The following P2RY2 variants were observed in gnomAD, a reference collection of about 807,000 sequenced individuals.
P2RY2 encodes P2Y purinoceptor 2.
For synonymous variants in P2RY2, 241 were observed against 231.9 expected, an observed-to-expected ratio of 1.04 and a Z score of -0.35; for missense variants, 567 against 515.7, an observed-to-expected ratio of 1.10 and a Z score of -0.96.
chr11:73,233,955 C>A, intron 2 of P2RY2: 1 of 629,796 alleles, frequency 1.6e-6, no homozygotes, highest in Non-Finnish European at 2.7e-6. Context: ...AGTTTGTCTA[C>A]CCCTGTTCTC....
At chr11:73,231,515 C>T in intron 2 of P2RY2, among the ~76,000 whole-genome samples, 1 of 151,112 alleles carries the variant, frequency 6.6e-6, no homozygotes, top group Admixed American at 6.6e-5. Context: ...TGAGATCACG[C>T]CACTGCATTC....
At position 73,231,402 on chromosome 11, in the gene P2RY2, A is replaced by C. The variant is rs866773143; in HGVS notation, c.-4-2754A>C. Among the ~76,000 whole-genome samples, 11 of 151,312 alleles carry C rather than the reference A, an allele frequency of 7.3e-5. No individual in the cohort carries two copies. The South Asian group carries it at 2.1e-3, about 29-fold the overall frequency. Reference sequence around the variant, plus strand: ...CTCTACTAAAAAATACAAAAAAAAAAAAAAAAAAGCTAGGTGAGGTGGCAC... The same window carrying C: ...CTCTACTAAAAAATACAAAAAAAAACAAAAAAAAGCTAGGTGAGGTGGCAC... On this transcript the variant is annotated intron_variant, in intron 2 of 2. Transcript: ENST00000393597.
At position 73,234,987 on chromosome 11, in the gene P2RY2, C is replaced by A; in HGVS notation, c.828C>A (p.Leu276=). ...ACTACTCCTTCCGCTCGCTGGACCTCAGCTGCCACACCCTCAACGCCATCA... is the reference window on the plus strand; with the variant it reads ...ACTACTCCTTCCGCTCGCTGGACCTAAGCTGCCACACCCTCAACGCCATCA... The part of the protein sequence containing the change: ...TLYYSFRSLD[L]SCHTLNAINM... Residue 276 remains leucine (L), a synonymous_variant, in exon 3 of 3, where the codon CTC becomes CTA. Coordinates refer to ENST00000393597, the MANE Select transcript of P2RY2 (RefSeq NM_002564.4). 6.2e-7 allele frequency: 1 copy of A among 1,609,594 alleles called. No individual in the cohort carries two copies.
intron 1 of P2RY2, among the ~76,000 whole-genome samples, chr11:73,222,319 G>C (rs1862142456): frequency 6.6e-6 from 1 of 152,050 alleles, no homozygotes; most frequent in Non-Finnish European, 1.5e-5. Context: ...GCTGTTGCAG[G>C]AAATCCAGGG....
intron 2 of P2RY2, among the ~76,000 whole-genome samples, chr11:73,230,605 G>T (rs1214135502): frequency 6.6e-6 from 1 of 152,088 alleles, no homozygotes; most frequent in African/African-American, 2.4e-5. Context: ...CAGCGCCCAG[G>T]TTCTTAATCA....
intron 2 of P2RY2, among the ~76,000 whole-genome samples, chr11:73,231,318 G>T (rs776858296): frequency 6.6e-6 from 1 of 151,502 alleles, no homozygotes; most frequent in African/African-American, 2.4e-5. Flanking sequence ...GGCCGAGGTG[G>T]GTGGATTGCT....
intron 2 of P2RY2, 180 bp from the exon 3 acceptor site, chr11:73,233,976 A>G (rs781775387): frequency 4.5e-5 from 31 of 693,158 alleles, no homozygotes; most frequent in Non-Finnish European, 6.6e-5. Flanking sequence ...AAGTTTGACA[A>G]TTGTGTGATC....
chr11:73,237,212 C>A lies in P2RY2; in HGVS notation c.*1919C>A. 4.6e-6 allele frequency: 3 copies of A among 657,550 alleles called. No homozygotes were observed. Among genetic ancestry groups the A allele is most frequent in the Non-Finnish European group, 5.7e-6 (3 of 530,562 alleles). 40.7% of individuals were successfully genotyped at this position (657,550 alleles called of 1,614,324 possible). A position where few individuals can be genotyped will look rare whatever the true frequency, so the allele number is the denominator to read the frequency against. Reference sequence around the variant, plus strand: ...CTATTCACCTCTCACCTTCTAGGTTCTATACTTCTGTTAATGTAGCCGATG... The same window carrying A: ...CTATTCACCTCTCACCTTCTAGGTTATATACTTCTGTTAATGTAGCCGATG... On this transcript the variant is annotated 3_prime_UTR_variant, in exon 3 of 3. Coordinates refer to ENST00000393597, the MANE Select transcript of P2RY2 (RefSeq NM_002564.4).
At chr11:73,219,312 G>A (rs1862055034) in intron 1 of P2RY2, among the ~76,000 whole-genome samples, 1 of 152,218 alleles carries the variant, frequency 6.6e-6, no homozygotes, top group African/African-American at 2.4e-5. Context: ...GAAGTGGAAG[G>A]AAGAAGATTC....
At position 73,238,413 on chromosome 11, in the gene P2RY2, C is replaced by T. The variant is rs765765722; in HGVS notation, c.*3120C>T. On this transcript the variant is annotated 3_prime_UTR_variant, in exon 3 of 3. Coordinates refer to ENST00000393597, the MANE Select transcript of P2RY2 (RefSeq NM_002564.4). ...CCAGGGTCCAGGAGGGATGGAGGAA[C>T]CCCAGGGTACATTCCCACTTTCACC... 1.2e-4 allele frequency among the ~76,000 whole-genome samples: 19 copies of T among 152,138 alleles called. No homozygotes were observed. Among genetic ancestry groups the T allele is most frequent in the Non-Finnish European group, 2.4e-4 (16 of 68,020 alleles).
At chr11:73,227,023 G>T (rs1339611897) in intron 1 of P2RY2, among the ~76,000 whole-genome samples, 3 of 151,990 alleles carry the variant, frequency 2.0e-5, no homozygotes, top group South Asian at 2.1e-4. Context: ...GTGGTTTGCT[G>T]CACCCATCAA....
chr11:73,236,879 A>T lies in P2RY2; in HGVS notation c.*1586A>T. The T allele has an allele frequency of 1.0e-6, 1 of 985,108 alleles. No homozygotes were observed. The highest frequency in any genetic ancestry group is 4.7e-5 in the South Asian group (1 of 21,272). The allele number at this position is 985,108 out of a possible 1,614,324, so 61.0% of individuals were successfully genotyped here. On this transcript the variant is annotated 3_prime_UTR_variant, in exon 3 of 3. Coordinates refer to ENST00000393597, the MANE Select transcript of P2RY2 (RefSeq NM_002564.4). ...GGGCTGACGTGTGGCGCTCAGCTGGACAGGGCCCCGCCCTAGCCTTTGGAA... is the reference window on the plus strand; with the variant it reads ...GGGCTGACGTGTGGCGCTCAGCTGGTCAGGGCCCCGCCCTAGCCTTTGGAA...
At chr11:73,231,787 C>T (rs1862466765) in intron 2 of P2RY2, among the ~76,000 whole-genome samples, 1 of 152,102 alleles carries the variant, frequency 6.6e-6, no homozygotes, top group East Asian at 1.9e-4. Flanking sequence ...TGATGGCTCA[C>T]ACCTGTAATC....
At position 73,236,870 on chromosome 11, in the gene P2RY2, C is replaced by T; in HGVS notation, c.*1577C>T. 1.0e-6 allele frequency: 1 copy of T among 985,338 alleles called. No individual in the cohort carries two copies. Among genetic ancestry groups the T allele is most frequent in the Non-Finnish European group, 1.2e-6 (1 of 829,920 alleles). 61.0% of individuals were successfully genotyped at this position (985,338 alleles called of 1,614,324 possible). A position where few individuals can be genotyped will look rare whatever the true frequency, so the allele number is the denominator to read the frequency against. ...GACCACTCTGGGCTGACGTGTGGCG[C>T]TCAGCTGGACAGGGCCCCGCCCTAG... On this transcript the variant is annotated 3_prime_UTR_variant, in exon 3 of 3. Transcript: ENST00000393597.
intron 1 of P2RY2, among the ~76,000 whole-genome samples, chr11:73,225,965 G>A (rs1625496): frequency 0.28 from 42,597 of 152,094 alleles, 7,393 homozygotes; most frequent in African/African-American, 0.49. Flanking sequence ...GCTCAACAAT[G>A]TATGGTAGGA....
chr11:73,230,208 G>A (rs1862409803), intron 2 of P2RY2, among the ~76,000 whole-genome samples: 1 of 152,022 alleles, frequency 6.6e-6, no homozygotes, highest in Non-Finnish European at 1.5e-5. Flanking sequence ...CCCAGCCTGT[G>A]CCCATCCCCA....
Position 73,235,416 on chromosome 11 carries a change from T to C in P2RY2, c.*123T>C. 6.8e-7 allele frequency: 1 copy of C among 1,460,824 alleles called. No individual in the cohort carries two copies. The highest frequency in any genetic ancestry group is 9.0e-7 in the Non-Finnish European group (1 of 1,106,556). 90.5% of individuals were successfully genotyped at this position (1,460,824 alleles called of 1,614,324 possible). ...TGACTCATGCTGGATGACCCCATGC[T>C]CCGTCATTTGACAGGGGCTCAGGAT... On this transcript the variant is annotated 3_prime_UTR_variant, in exon 3 of 3. Coordinates refer to ENST00000393597, the MANE Select transcript of P2RY2 (RefSeq NM_002564.4).
rs1278836414 is a variant in P2RY2 at position 73,229,649 on chromosome 11, C to G, written c.-5+1474C>G. On this transcript the variant is annotated intron_variant, in intron 2 of 2. Coordinates refer to ENST00000393597, the MANE Select transcript of P2RY2 (RefSeq NM_002564.4). ...CCAGCTGGCCTGGGAGGGTGGGGGC[C>G]AGGGTGTCTTAAAACAGGCGGAAGG... is the stretch of plus-strand genomic sequence containing the variant. 4.6e-5 allele frequency among the ~76,000 whole-genome samples: 7 copies of G among 152,050 alleles called. No homozygotes were observed. In the South Asian group the frequency reaches 8.3e-4, roughly 18 times the overall value.
At position 73,241,062 on chromosome 11, in the gene P2RY2, A is replaced by G. The variant is rs1313535069; in HGVS notation, c.*5769A>G. On this transcript the variant is annotated 3_prime_UTR_variant, in exon 3 of 3. Transcript: ENST00000393597. Reference sequence around the variant, plus strand: ...AGTGCCCTTACAGAATGGACCCCAGAGAGCTCCTCACCCTCTTTCCACCAT... The same window carrying G: ...AGTGCCCTTACAGAATGGACCCCAGGGAGCTCCTCACCCTCTTTCCACCAT... 6.6e-6 allele frequency: 1 copy of G among 152,242 alleles called. No homozygotes were observed. Among genetic ancestry groups the G allele is most frequent in the Non-Finnish European group, 1.5e-5 (1 of 68,078 alleles). 9.4% of individuals were successfully genotyped at this position (152,242 alleles called of 1,614,324 possible).
Sources: gnomAD v4.1 joint callset for allele counts (sites outside exome capture counted in the v4.1 genomes callset) on GRCh38, gnomAD v4.1.1 for gene constraint, MANE v1.5 for transcripts, NCBI Gene and HGNC (gene_info 2026-07-23, HGNC 2026-07-21) for gene names.